IRAG1: variants seen among roughly 807,000 people sequenced by gnomAD.
IRAG1 encodes IP3R-associated cGMP kinase substrate.
IRAG1 carries 62 observed loss-of-function variants against 106.2 expected under a neutral mutation model. The ratio of observed to expected loss-of-function variants is 0.58; its 90% CI spans 0.48 to 0.72. IRAG1 has a LOEUF of 0.72. Among genes scored for constraint, IRAG1 ranks in the 30% least tolerant of loss-of-function variants. IRAG1 has a pLI of 0.00. For missense variants in IRAG1, 1,064 were observed against 1,140.7 expected (o/e 0.93, Z 0.97); for synonymous variants, 462 against 443.9 (o/e 1.04, Z -0.51).
chr11:10,632,146 TTTTC>T lies in IRAG1; in HGVS notation c.330-89_330-86del, dbSNP rs150017434. The T allele has an allele frequency of 2.1e-3, 1,862 of 882,266 alleles. 4 individuals carry two copies. The highest frequency in any genetic ancestry group is 2.8e-3 in the Non-Finnish European group (1,574 of 556,546). 54.7% of individuals were successfully genotyped at this position (882,266 alleles called of 1,614,324 possible). A position where few individuals can be genotyped will look rare whatever the true frequency, so the allele number is the denominator to read the frequency against. ...AAAGATGCCTGTATATTCTTTTTCT[TTTTC>T]TTTCTTTCTTTCTTTGTTTCCTTCT... On this transcript the variant is annotated intron_variant, in intron 3 of 20. Transcript: ENST00000423302.
At chr11:10,639,119 C>T (rs1020123296) in intron 2 of IRAG1, among the ~76,000 whole-genome samples, 2 of 152,218 alleles carry the variant, frequency 1.3e-5, no homozygotes, top group South Asian at 4.2e-4. Context: ...GGGGTTTCAC[C>T]ACATTGGTCA....
intron 3 of IRAG1, among the ~76,000 whole-genome samples, chr11:10,633,297 G>A (rs149163766): frequency 0.027 from 4,170 of 152,110 alleles, 56 homozygotes; most frequent in Non-Finnish European, 0.038. Context: ...GGATGGTCTC[G>A]ATCTCCTGAC....
intron 2 of IRAG1, among the ~76,000 whole-genome samples, chr11:10,634,537 A>G (rs181202252): frequency 6.3e-4 from 96 of 152,256 alleles, no homozygotes; most frequent in Non-Finnish European, 1.0e-3. Flanking sequence ...TCTTTGACCA[A>G]CATCTCCCCA....
intron 1 of IRAG1, among the ~76,000 whole-genome samples, chr11:10,660,206 T>G (rs1389044168): frequency 1.3e-5 from 2 of 152,176 alleles, no homozygotes; most frequent in Non-Finnish European, 2.9e-5. Flanking sequence ...TTTCAAGAAT[T>G]CTGTGAACTG....
In IRAG1 at chr11:10,686,539, G is replaced by A. The variant is rs115235907; in HGVS notation, c.67+6997C>T. 3.5e-3 allele frequency among the ~76,000 whole-genome samples: 529 copies of A among 152,288 alleles called. 3 individuals are homozygous for A. The highest frequency in any genetic ancestry group is 0.012 in the African/African-American group (497 of 41,566). Reference sequence around the variant, plus strand: ...AGTGCAAAGTAGAGCAAGCCTAGTGGGGAAGCTGCTCCAGTGCCCTGCCCC... The same window carrying A: ...AGTGCAAAGTAGAGCAAGCCTAGTGAGGAAGCTGCTCCAGTGCCCTGCCCC... On this transcript the variant is annotated intron_variant, in intron 1 of 20. Coordinates refer to ENST00000423302, the MANE Select transcript of IRAG1 (RefSeq NM_130385.4).
intron 1 of IRAG1, among the ~76,000 whole-genome samples, chr11:10,691,844 C>T (rs1862081067): frequency 6.6e-6 from 1 of 152,116 alleles, no homozygotes; most frequent in Non-Finnish European, 1.5e-5. Context: ...AGAGCAGAGC[C>T]TCCAGAGACC....
intron 18 of IRAG1, among the ~76,000 whole-genome samples, chr11:10,582,569 A>G (rs767937881): frequency 5.3e-5 from 8 of 152,218 alleles, no homozygotes; most frequent in Non-Finnish European, 8.8e-5. Flanking sequence ...TAACAAGGAG[A>G]GAATGTGTTT....
At chr11:10,596,112 G>T (rs1853274271) in intron 15 of IRAG1, among the ~76,000 whole-genome samples, 1 of 152,180 alleles carries the variant, frequency 6.6e-6, no homozygotes, top group South Asian at 2.1e-4. Context: ...TGAGCATTTA[G>T]GTTGATTCCA....
chr11:10,615,069 G>T (rs1472170895), intron 10 of IRAG1, among the ~76,000 whole-genome samples: 1 of 152,052 alleles, frequency 6.6e-6, no homozygotes, highest in Non-Finnish European at 1.5e-5. Flanking sequence ...AATCTACAAA[G>T]AACTCAAACA....
intron 11 of IRAG1, among the ~76,000 whole-genome samples, chr11:10,607,179 A>G (rs984052094): frequency 1.3e-5 from 2 of 152,244 alleles, no homozygotes; most frequent in Admixed American, 1.3e-4. Context: ...GCTGTGAGAA[A>G]TAAGAAAATG....
intron 10 of IRAG1, among the ~76,000 whole-genome samples, chr11:10,618,892 GA>G (rs2134486604): frequency 6.6e-6 from 1 of 152,322 alleles, no homozygotes; most frequent in South Asian, 2.1e-4. Flanking sequence ...TGAAGATGCT[GA>G]AACAGATTTG....
chr11:10,683,222 C>T (rs1226003693), intron 1 of IRAG1, among the ~76,000 whole-genome samples: 1 of 152,052 alleles, frequency 6.6e-6, no homozygotes, highest in Admixed American at 6.6e-5. Context: ...TGATGTAGCA[C>T]CCTCATGTAT....
Position 10,594,191 on chromosome 11 carries a change from A to T in IRAG1, c.2022T>A (p.Asp674Glu). ...TGGACCGTGCCGTGCGAGGGACCCC[A>T]TCTTCTGCAGCAGGAGGGAGCAGAG... The part of the protein sequence containing the change: ...NSSRSCGPSE[D>E]GVPRTARSMS... The change falls in exon 16 of 21, where the codon GAT (aspartate) becomes GAA (glutamate). Residue 674 changes from aspartate to glutamate, a missense_variant. Transcript: ENST00000423302. 1 of 1,609,880 alleles carries T rather than the reference A, an allele frequency of 6.2e-7. No individual in the cohort carries two copies. Among genetic ancestry groups the T allele is most frequent in the Non-Finnish European group, 8.5e-7 (1 of 1,178,250 alleles).
chr11:10,645,536 A>C (rs1160661383), intron 2 of IRAG1, among the ~76,000 whole-genome samples: 2 of 152,200 alleles, frequency 1.3e-5, no homozygotes, highest in Admixed American at 6.5e-5. Context: ...AAGATACCTA[A>C]CTGCTCTAAA....
rs1010470333 is a variant in IRAG1, at chr11:10,576,685, T to C, written c.2496-110A>G. ...CTTCCATGCTGTCTTGAGCAATAGTTCTCAAACTTAGCTGTGCCTAGATTG... is the reference window on the plus strand; with the variant it reads ...CTTCCATGCTGTCTTGAGCAATAGTCCTCAAACTTAGCTGTGCCTAGATTG... On this transcript the variant is annotated intron_variant, in intron 20 of 20. Transcript: ENST00000423302. 3.6e-6 allele frequency: 5 copies of C among 1,385,742 alleles called. No individual in the cohort carries two copies. In the East Asian group the frequency reaches 1.1e-4, roughly 32 times the overall value. The allele number at this position is 1,385,742 out of a possible 1,614,324, so 85.8% of individuals were successfully genotyped here.
At chr11:10,603,339 T>C in intron 13 of IRAG1, 88 bp from the exon 14 acceptor site, 1 of 1,494,708 alleles carries the variant, frequency 6.7e-7, no homozygotes, top group South Asian at 1.2e-5. Flanking sequence ...CCTCAGGGAC[T>C]GGTTTGGAAG....
In IRAG1 at chr11:10,576,139, G is replaced by T; in HGVS notation, c.*193C>A. The T allele has an allele frequency of 1.4e-6, 1 of 699,886 alleles. No individual in the cohort carries two copies. Among genetic ancestry groups the T allele is most frequent in the Non-Finnish European group, 2.3e-6 (1 of 433,868 alleles). 43.4% of individuals were successfully genotyped at this position (699,886 alleles called of 1,614,324 possible). A position where few individuals can be genotyped will look rare whatever the true frequency, so the allele number is the denominator to read the frequency against. ...CTGGATGCTTTCCCAGGGCAGTTTT[G>T]TTGATCCTCCAAGAACATCAAGTCA... On this transcript the variant is annotated 3_prime_UTR_variant, in exon 21 of 21. Transcript: ENST00000423302.
chr11:10,633,113 C>A (rs10770127), intron 3 of IRAG1, among the ~76,000 whole-genome samples: 4 of 143,538 alleles, frequency 2.8e-5, no homozygotes, highest in Non-Finnish European at 4.5e-5. Flanking sequence ...CTCGCACTGT[C>A]GCCCAGGCTG....
chr11:10,618,926 G>T (rs1450286593), intron 10 of IRAG1, among the ~76,000 whole-genome samples: 1 of 152,188 alleles, frequency 6.6e-6, no homozygotes, highest in Admixed American at 6.5e-5. Context: ...CCCTGCGGCT[G>T]CTGTGTTGGC....
Sources: allele counts gnomAD v4.1 joint callset (sites outside exome capture counted in the v4.1 genomes callset), GRCh38; gene constraint gnomAD v4.1.1; transcripts MANE v1.5; gene names NCBI Gene and HGNC (gene_info 2026-07-23, HGNC 2026-07-21).